Variants in STEAP1B observed in about 807,000 individuals in gnomAD.
STEAP1B encodes the protein STEAP family protein MGC87042.
In STEAP1B, 13 loss-of-function variants were observed where a neutral mutation model predicts 27.9. That is an observed-to-expected ratio of 0.47 (90% CI 0.30 to 0.74). The LOEUF (loss-of-function observed/expected upper bound fraction) is 0.74. Ranked by LOEUF, STEAP1B falls within the 30% of genes least tolerant of loss-of-function variation. The pLI is 0.06. For synonymous variants in STEAP1B, 86 were observed against 107.1 expected (o/e 0.80, Z 1.22); for missense variants, 250 against 298.7 (o/e 0.84, Z 1.20).
At chr7:22,481,206 G>A (rs529413508) in intron 4 of STEAP1B, among the ~76,000 whole-genome samples, 2 of 152,290 alleles carry the variant, frequency 1.3e-5, no homozygotes, top group African/African-American at 4.8e-5. Context: ...TTGGCCCAAG[G>A]TCCTGTCAAT....
intron 4 of STEAP1B, among the ~76,000 whole-genome samples, chr7:22,470,883 CA>C (rs1199091301): frequency 5.9e-5 from 9 of 151,870 alleles, no homozygotes; most frequent in Non-Finnish European, 8.8e-5. Flanking sequence ...AAACATCACC[CA>C]AAAAATATAA....
chr7:22,422,779 G>T (rs1383709082), intron 4 of STEAP1B, among the ~76,000 whole-genome samples: 2 of 152,116 alleles, frequency 1.3e-5, no homozygotes, highest in Non-Finnish European at 2.9e-5. Context: ...TTTTTTAAAG[G>T]GGATTTTTAT....
intron 4 of STEAP1B, among the ~76,000 whole-genome samples, chr7:22,478,567 G>A (rs2128412874): frequency 6.6e-6 from 1 of 152,252 alleles, no homozygotes; most frequent in Middle Eastern, 3.4e-3. Flanking sequence ...TGGCCATTGG[G>A]CATTTGGTTA....
chr7:22,420,057 A>C (rs571478875), intron 4 of STEAP1B, among the ~76,000 whole-genome samples: 2 of 152,284 alleles, frequency 1.3e-5, no homozygotes, highest in East Asian at 1.9e-4. Flanking sequence ...TATCTAAAGA[A>C]GACTACATTG....
Position 22,492,525 on chromosome 7 carries a change from A to C in STEAP1B, c.762+40T>G, listed in dbSNP as rs776081745. On this transcript the variant is annotated intron_variant, in intron 4 of 4. Transcript: ENST00000678116. ...CATATTCTATATCATAAACACAAAA[A>C]GAAGATTTACCTCTTAGGGTTATTT... The C allele has an allele frequency of 4.2e-5, 64 of 1,528,482 alleles. 1 individual carries two copies. Among genetic ancestry groups the C allele is most frequent in the Middle Eastern group, 3.5e-4 (2 of 5,726 alleles). The allele number at this position is 1,528,482 out of a possible 1,614,324, so 94.7% of individuals were successfully genotyped here.
intron 1 of STEAP1B, among the ~76,000 whole-genome samples, chr7:22,496,565 A>T (rs540142854): frequency 1.3e-5 from 2 of 152,328 alleles, no homozygotes; most frequent in South Asian, 4.1e-4. Flanking sequence ...TTTATACGAT[A>T]TATGTATGTT....
intron 4 of STEAP1B, among the ~76,000 whole-genome samples, chr7:22,424,848 T>C (rs763350826): frequency 1.3e-5 from 2 of 151,056 alleles, no homozygotes; most frequent in Non-Finnish European, 2.9e-5. Context: ...ACTTGAGTTA[T>C]CATATTCAGT....
intron 4 of STEAP1B, among the ~76,000 whole-genome samples, chr7:22,454,868 T>A (rs796848978): frequency 0.38 from 29,216 of 76,672 alleles, 3,399 homozygotes; most frequent in East Asian, 0.63. Context: ...TATATATATT[T>A]TTTTTTTTTT....
rs115646495 is a variant in STEAP1B, at chr7:22,484,083, T to C, written c.762+8482A>G. Among the ~76,000 whole-genome samples the C allele has an allele frequency of 8.3e-3, 1,271 of 152,308 alleles. 16 individuals carry two copies. Among genetic ancestry groups the C allele is most frequent in the African/African-American group, 0.029 (1,218 of 41,558 alleles). Reference sequence around the variant, plus strand: ...AACAAAAAATGCCATCTCCATAACGTAGAAGTGCAAGGTGAAGCAGCAAGT... The same window carrying C: ...AACAAAAAATGCCATCTCCATAACGCAGAAGTGCAAGGTGAAGCAGCAAGT... On this transcript the variant is annotated intron_variant, in intron 4 of 4. Coordinates refer to ENST00000678116, the MANE Select transcript of STEAP1B (RefSeq NM_001382447.1).
At chr7:22,457,749 T>C (rs1180027219) in intron 4 of STEAP1B, among the ~76,000 whole-genome samples, 2 of 152,240 alleles carry the variant, frequency 1.3e-5, no homozygotes, top group African/African-American at 4.8e-5. Context: ...AGAAAACCTA[T>C]GGGAAAGTTT....
At chr7:22,496,333 T>C (rs909190700) in intron 1 of STEAP1B, among the ~76,000 whole-genome samples, 12 of 152,018 alleles carry the variant, frequency 7.9e-5, no homozygotes, top group African/African-American at 2.9e-4. Flanking sequence ...AGTAAAAGAG[T>C]TACAGTAAGC....
chr7:22,441,814 T>A (rs1449527805), intron 4 of STEAP1B, among the ~76,000 whole-genome samples: 3 of 152,284 alleles, frequency 2.0e-5, no homozygotes, highest in Non-Finnish European at 4.4e-5. Flanking sequence ...AATTTGCACA[T>A]ACTGCGGCTT....
chr7:22,451,531 G>C (rs1562571769), intron 4 of STEAP1B, among the ~76,000 whole-genome samples: 3 of 152,012 alleles, frequency 2.0e-5, no homozygotes. Context: ...TATAGCTGTT[G>C]GTCTGTCACG....
chr7:22,425,309 TGCAAGACAAAGTTA>T (rs1464489010), intron 4 of STEAP1B, among the ~76,000 whole-genome samples: 1 of 152,238 alleles, frequency 6.6e-6, no homozygotes, highest in Non-Finnish European at 1.5e-5. Flanking sequence ...TAAGTTATTT[TGCAAGACAAAGTTA>T]GCAAGGCATC....
rs139511631 is a variant in STEAP1B at position 22,478,193 on chromosome 7, G to A, written c.762+14372C>T. On this transcript the variant is annotated intron_variant, in intron 4 of 4. Transcript: ENST00000678116. Reference sequence around the variant, plus strand: ...GTCTTCCATTTGCTAGATAACTGCCGCTCTTCTCAAAAGCAGAGGCAAACA... The same window carrying A: ...GTCTTCCATTTGCTAGATAACTGCCACTCTTCTCAAAAGCAGAGGCAAACA... Among the ~76,000 whole-genome samples the A allele has an allele frequency of 1.9e-3, 287 of 152,292 alleles. 1 individual carries two copies. Among genetic ancestry groups the A allele is most frequent in the African/African-American group, 6.7e-3 (278 of 41,540 alleles).
chr7:22,445,538 A>T (rs1051132160), intron 4 of STEAP1B, among the ~76,000 whole-genome samples: 3 of 152,242 alleles, frequency 2.0e-5, no homozygotes, highest in Non-Finnish European at 2.9e-5. Context: ...GGGAGCCCAC[A>T]GCTGAGGGGC....
intron 4 of STEAP1B, among the ~76,000 whole-genome samples, chr7:22,451,347 A>G (rs1424616203): frequency 1.3e-5 from 2 of 152,088 alleles, no homozygotes; most frequent in African/African-American, 4.8e-5. Flanking sequence ...AGATCACATC[A>G]TCTGCAAACA....
intron 4 of STEAP1B, among the ~76,000 whole-genome samples, chr7:22,469,745 C>T (rs1466236783): frequency 2.0e-5 from 3 of 152,186 alleles, no homozygotes; most frequent in Non-Finnish European, 4.4e-5. Context: ...CGTAAGTACA[C>T]TCTACAATGT....
rs533273096 is a variant in STEAP1B at position 22,438,459 on chromosome 7, A to C, written c.763-18623T>G. ...CTGCAAGTATGTAAGATGTATGAGCAGGGAACAAGGTTCTCACTTTCATGC... is the reference window on the plus strand; with the variant it reads ...CTGCAAGTATGTAAGATGTATGAGCCGGGAACAAGGTTCTCACTTTCATGC... On this transcript the variant is annotated intron_variant, in intron 4 of 4. Coordinates refer to ENST00000678116, the MANE Select transcript of STEAP1B (RefSeq NM_001382447.1). The C allele has an allele frequency of 4.0e-5, 61 of 1,536,330 alleles. No individual in the cohort carries two copies. The African/African-American group carries it at 6.4e-4, about 16-fold the overall frequency.
Sources: allele counts gnomAD v4.1 joint callset (sites outside exome capture counted in the v4.1 genomes callset), GRCh38; gene constraint gnomAD v4.1.1; transcripts MANE v1.5; gene names NCBI Gene and HGNC (gene_info 2026-07-23, HGNC 2026-07-21).